Variants in LRP5 observed in about 807,000 individuals in gnomAD.
The protein encoded by LRP5 is LDL receptor related protein 5, also known as low-density lipoprotein receptor-related protein 5.
LRP5 carries 62 observed loss-of-function variants against 154.1 expected under a neutral mutation model. The observed-to-expected ratio is 0.40, with a 90% CI of 0.33 to 0.50. The LOEUF is 0.50. LRP5 is among the 20% of genes least tolerant of loss of function. The pLI is 0.55. For missense variants in LRP5, 1,915 were observed against 2,336.7 expected (o/e 0.82, Z 3.72); for synonymous variants, 966 against 1,011.5 (o/e 0.96, Z 0.85).
chr11:68,381,899 G>A (rs2098640449), intron 5 of LRP5, among the ~76,000 whole-genome samples: 1 of 152,208 alleles, frequency 6.6e-6, no homozygotes, highest in Non-Finnish European at 1.5e-5. Flanking sequence ...CCAGCTGTGG[G>A]CACCAGCCTT....
In LRP5 at chr11:68,357,717, C is replaced by T. The variant is rs200484935; in HGVS notation, c.556C>T (p.Arg186Trp). The T allele has an allele frequency of 9.3e-6, 15 of 1,614,010 alleles. No individual in the cohort carries two copies. The highest frequency in any genetic ancestry group is 2.2e-5 in the East Asian group (1 of 44,892). ...IERAGMDGST[R>W]KIIVDSDIYW... Reference sequence around the variant, plus strand: ...GCGGGCAGGGATGGATGGCAGCACCCGGAAGATCATTGTGGACTCGGACAT... The same window carrying T: ...GCGGGCAGGGATGGATGGCAGCACCTGGAAGATCATTGTGGACTCGGACAT... The change falls in exon 3 of 23, where the codon CGG (arginine) becomes TGG (tryptophan). Residue 186 changes from arginine (R) to tryptophan (W), a missense_variant. Around this residue, in one of 3 missense-constraint regions of LRP5, gnomAD observed 773 missense variants for 1,100.9 expected, o/e 0.70. Transcript: ENST00000294304.
intron 1 of LRP5, among the ~76,000 whole-genome samples, chr11:68,325,030 C>T (rs1420346960): frequency 2.0e-5 from 3 of 152,212 alleles, no homozygotes; most frequent in East Asian, 1.9e-4. Context: ...CTGCACAGCC[C>T]GGTTCTGACC....
upstream of LRP5, among the ~76,000 whole-genome samples, chr11:68,310,738 G>C (rs1277031284): frequency 2.1e-5 from 3 of 144,424 alleles, no homozygotes; most frequent in Non-Finnish European, 4.5e-5. Context: ...CTGGGCCACA[G>C]AGTGAGACCC....
intron 3 of LRP5, among the ~76,000 whole-genome samples, chr11:68,363,428 G>C (rs557608396): frequency 6.6e-6 from 1 of 152,314 alleles, no homozygotes; most frequent in Non-Finnish European, 1.5e-5. Context: ...AGGCTGAGGT[G>C]GGTGGATCAC....
At chr11:68,361,784 C>T (rs991208353) in intron 3 of LRP5, among the ~76,000 whole-genome samples, 12 of 151,300 alleles carry the variant, frequency 7.9e-5, no homozygotes, top group East Asian at 3.9e-4. Flanking sequence ...ATCACACCAC[C>T]GCACTCCAGC....
chr11:68,356,999 G>C (rs1244031685), intron 2 of LRP5, among the ~76,000 whole-genome samples: 1 of 150,600 alleles, frequency 6.6e-6, no homozygotes, highest in Non-Finnish European at 1.5e-5. Flanking sequence ...GCAATGGTGC[G>C]ATTTCTGCTC....
chr11:68,339,968 T>C (rs1427399961), intron 1 of LRP5, among the ~76,000 whole-genome samples: 4 of 152,150 alleles, frequency 2.6e-5, no homozygotes, highest in African/African-American at 7.2e-5. Context: ...CAACTGGGCT[T>C]GGTGGCTCAC....
In LRP5 at chr11:68,425,867, G is replaced by A. The variant is rs2153174315; in HGVS notation, c.3428-111G>A. 5 of 965,780 alleles carry A rather than the reference G, an allele frequency of 5.2e-6. No individual in the cohort carries two copies. The Admixed American group carries it at 5.5e-5, about 11-fold the overall frequency. 59.8% of individuals were successfully genotyped at this position (965,780 alleles called of 1,614,324 possible). On this transcript the variant is annotated intron_variant, in intron 15 of 22. Coordinates refer to ENST00000294304, the MANE Select transcript of LRP5 (RefSeq NM_002335.4). ...CAGCTCCCACCCCTGTCCAAAGCATGGAATCCCCCAGGCTCCCTGGCAGTC... is the reference window on the plus strand; with the variant it reads ...CAGCTCCCACCCCTGTCCAAAGCATAGAATCCCCCAGGCTCCCTGGCAGTC...
Position 68,386,890 on chromosome 11 carries a change from C to T in LRP5, c.1412+178C>T, listed in dbSNP as rs930407594. ...GAGCGGTGATTCAGGAGCTCCAGGG[C>T]GGGGCTGAAGACTTGGGTTTCTAAC... On this transcript the variant is annotated intron_variant, in intron 6 of 22. Transcript: ENST00000294304. This position sits in a 1 kb window ranked among gnomAD's most constrained non-coding sequence, Gnocchi z 7.9. Among the ~76,000 whole-genome samples the T allele has an allele frequency of 6.6e-6, 1 of 152,166 alleles. No individual in the cohort carries two copies. Among genetic ancestry groups the T allele is most frequent in the Non-Finnish European group, 1.5e-5 (1 of 68,014 alleles).
chr11:68,384,157 G>A (rs190897988), intron 5 of LRP5, among the ~76,000 whole-genome samples: 1 of 152,310 alleles, frequency 6.6e-6, no homozygotes, highest in Non-Finnish European at 1.5e-5. Flanking sequence ...TCCGGGGCTT[G>A]GAGCAGGAGT....
In LRP5 at chr11:68,389,983, C is replaced by G. The variant is rs557805230; in HGVS notation, c.1515C>G (p.Pro505=). ...TGGTCAATGCCTCCCTCGGGTGGCC[C>G]AACGGCCTGGCCCTGGACCTGCAGG... ...RVLVNASLGW[P]NGLALDLQEG... is the part of the protein sequence containing the mutation. The change falls in exon 7 of 23, where the codon CCC becomes CCG. Residue 505 remains proline, a synonymous_variant. Coordinates refer to ENST00000294304, the MANE Select transcript of LRP5 (RefSeq NM_002335.4). 3.1e-6 allele frequency: 5 copies of G among 1,614,114 alleles called. No homozygotes were observed. In the East Asian group the frequency reaches 1.1e-4, roughly 36 times the overall value.
At position 68,386,650 on chromosome 11, in the gene LRP5, C is replaced by G; in HGVS notation, c.1350C>G (p.Arg450=). Residue 450 remains arginine (R), a synonymous_variant, in exon 6 of 23, where the codon CGC becomes CGG. Transcript: ENST00000294304. This position sits in a 1 kb window ranked among gnomAD's most constrained non-coding sequence, Gnocchi z 7.9. ...TGACGCGCCTCAACGGCACCTCCCGCAAGATCCTGGTGTCGGAGGACCTGG... is the reference window on the plus strand; with the variant it reads ...TGACGCGCCTCAACGGCACCTCCCGGAAGATCCTGGTGTCGGAGGACCTGG... ...IEVTRLNGTS[R]KILVSEDLDE... The G allele has an allele frequency of 6.2e-7, 1 of 1,613,640 alleles. No homozygotes were observed. Among genetic ancestry groups the G allele is most frequent in the Non-Finnish European group, 8.5e-7 (1 of 1,179,940 alleles).
intron 1 of LRP5, among the ~76,000 whole-genome samples, chr11:68,339,570 A>T (rs1261270505): frequency 6.6e-6 from 1 of 151,112 alleles, no homozygotes; most frequent in Non-Finnish European, 1.5e-5. Context: ...CTGGTCTCGA[A>T]CTCCTTACCT....
At chr11:68,397,972 T>TTTTGTGTG (rs140344378) in intron 7 of LRP5, among the ~76,000 whole-genome samples, 1 of 142,092 alleles carries the variant, frequency 7.0e-6, no homozygotes, top group Admixed American at 6.9e-5. Context: ...CTGTGTGTGT[T>TTTTGTGTG]TGTGTGTGTG....
intron 5 of LRP5, among the ~76,000 whole-genome samples, chr11:68,382,297 A>T (rs2098640677): frequency 6.6e-6 from 1 of 152,184 alleles, no homozygotes; most frequent in African/African-American, 2.4e-5. Flanking sequence ...CCAGAGGGCT[A>T]GGGCTGGGTG....
At chr11:68,443,277 C>T (rs1010400446) in intron 21 of LRP5, among the ~76,000 whole-genome samples, 6 of 151,338 alleles carry the variant, frequency 4.0e-5, no homozygotes, top group Non-Finnish European at 5.9e-5. Context: ...CTGAGATGAG[C>T]GGATCACTTG....
At chr11:68,301,449 T>G in the LRP5 span, among the ~76,000 whole-genome samples, 5 of 147,920 alleles carry the variant, frequency 3.4e-5, 1 homozygote, top group Non-Finnish European at 7.6e-5. Flanking sequence ...CACTCCAGCC[T>G]GGGCAACAGA....
At chr11:68,355,173 C>T (rs777069175) in intron 2 of LRP5, among the ~76,000 whole-genome samples, 2 of 152,234 alleles carry the variant, frequency 1.3e-5, no homozygotes, top group South Asian at 2.1e-4. Context: ...GGGGAGGAGG[C>T]GGCTGTGTGT....
chr11:68,360,602 G>A (rs2098627028), intron 3 of LRP5, among the ~76,000 whole-genome samples: 1 of 152,216 alleles, frequency 6.6e-6, no homozygotes, highest in African/African-American at 2.4e-5. Context: ...CTGTGGCTGG[G>A]GCAAGGGCCG....
Sources: allele counts gnomAD v4.1 joint callset (sites outside exome capture counted in the v4.1 genomes callset), GRCh38; gene constraint gnomAD v4.1.1; regional missense constraint gnomAD v4.1.1; non-coding constraint Gnocchi (gnomAD v3.1); transcripts MANE v1.5; gene names NCBI Gene and HGNC (gene_info 2026-07-23, HGNC 2026-07-21).